Variants in TBXAS1 observed in about 807,000 individuals in gnomAD.
TBXAS1 encodes the protein thromboxane A synthase 1.
Under a neutral mutation model 60.7 loss-of-function variants are expected in TBXAS1, and 48 were observed. The ratio of observed to expected loss-of-function variants is 0.79; its 90% CI spans 0.63 to 1.01. The LOEUF is 1.01. TBXAS1 is among the 50% of genes least tolerant of loss of function. The pLI is 0.00. For missense variants in TBXAS1, 685 were observed against 686.3 expected (o/e 1.00, Z 0.02); for synonymous variants, 287 against 269.7 (o/e 1.06, Z -0.63).
intron 9 of TBXAS1, among the ~76,000 whole-genome samples, chr7:140,005,817 A>T (rs889789444): frequency 6.6e-6 from 1 of 152,192 alleles, no homozygotes; most frequent in African/African-American, 2.4e-5. Context: ...ATTAGCTACG[A>T]TACTGGCTAT....
intron 3 of TBXAS1, among the ~76,000 whole-genome samples, chr7:139,905,037 T>TTC (rs1491188774): frequency 1.1e-5 from 1 of 87,742 alleles, no homozygotes; most frequent in Non-Finnish European, 2.2e-5. Flanking sequence ...CTTTCTTTCT[T>TTC]TCTTTCTTTC....
chr7:139,821,941 G>C (rs1798310173), intron 4 of TBXAS1, among the ~76,000 whole-genome samples: 2 of 152,168 alleles, frequency 1.3e-5, no homozygotes, highest in South Asian at 4.1e-4. Flanking sequence ...TCCTGCAACT[G>C]TCCGCCAGTG....
chr7:139,922,732 G>A (rs1806576531), intron 4 of TBXAS1, among the ~76,000 whole-genome samples: 1 of 152,138 alleles, frequency 6.6e-6, no homozygotes, highest in South Asian at 2.1e-4. Context: ...TATTCTCTTG[G>A]AATCATTATG....
intron 1 of TBXAS1, among the ~76,000 whole-genome samples, chr7:139,848,250 A>G (rs1480402159): frequency 1.3e-5 from 2 of 151,958 alleles, no homozygotes; most frequent in Non-Finnish European, 2.9e-5. Flanking sequence ...CTTCCAAAGT[A>G]CTGGGATTAC....
rs1805983267 is a variant in TBXAS1, at chr7:139,916,487, G to A, written c.333+5166G>A. On this transcript the variant is annotated intron_variant, in intron 4 of 12. Coordinates refer to ENST00000448866, the MANE Select transcript of TBXAS1 (RefSeq NM_001061.7). This position sits in a 1 kb window ranked among gnomAD's most constrained non-coding sequence, Gnocchi z 4.2. Reference sequence around the variant, plus strand: ...CACACCACTGACACACAAGAGTCACGTCCAAAGCCATGTGATGGACGTGGT... The same window carrying A: ...CACACCACTGACACACAAGAGTCACATCCAAAGCCATGTGATGGACGTGGT... 2.6e-5 allele frequency among the ~76,000 whole-genome samples: 4 copies of A among 152,284 alleles called. No individual in the cohort carries two copies. Among genetic ancestry groups the A allele is most frequent in the South Asian group, 4.1e-4 (2 of 4,822 alleles).
intron 4 of TBXAS1, among the ~76,000 whole-genome samples, chr7:139,800,325 C>T (rs895238322): frequency 6.6e-6 from 1 of 152,270 alleles, no homozygotes; most frequent in South Asian, 2.1e-4. Flanking sequence ...CCTCCCTCCT[C>T]GAAGACCTCA....
In TBXAS1 at chr7:139,852,935, T is replaced by TACACACACAC. The variant is rs57545948; in HGVS notation, c.90-19254_90-19245dup. 1.3e-4 allele frequency among the ~76,000 whole-genome samples: 16 copies of TACACACACAC among 127,502 alleles called. No homozygotes were observed. Among genetic ancestry groups the TACACACACAC allele is most frequent in the Non-Finnish European group, 2.2e-4 (13 of 58,986 alleles). 83.6% of individuals were successfully genotyped at this position (127,502 alleles called of 152,430 possible). On this transcript the variant is annotated intron_variant, in intron 1 of 12. Transcript: ENST00000448866. The surrounding 1 kb of genome is among the most constrained non-coding windows in gnomAD (Gnocchi z 4.4). ...TGTGTACCAACCTTGGCTACTCCAA[T>TACACACACAC]ACACACACACACACACACACACACA...
intron 9 of TBXAS1, among the ~76,000 whole-genome samples, chr7:139,995,437 C>G (rs1051129012): frequency 2.6e-5 from 4 of 152,046 alleles, no homozygotes; most frequent in Non-Finnish European, 4.4e-5. Flanking sequence ...GTTTATTTGG[C>G]CTGGCAGAGT....
chr7:139,841,482 C>CT lies in TBXAS1; in HGVS notation c.89+12017dup, dbSNP rs5887936. On this transcript the variant is annotated intron_variant, in intron 1 of 12. Coordinates refer to ENST00000448866, the MANE Select transcript of TBXAS1 (RefSeq NM_001061.7). ...TCTAGAGAGGGATACATCTATTTCC[C>CT]TTTTTTTTTTTTTTATCTTTTTGTA... Among the ~76,000 whole-genome samples the CT allele has an allele frequency of 6.0e-3, 883 of 146,468 alleles. 7 individuals are homozygous for CT. The highest frequency in any genetic ancestry group is 0.018 in the African/African-American group (709 of 39,664).
chr7:139,902,830 T>C (rs1804684820), intron 3 of TBXAS1, among the ~76,000 whole-genome samples: 2 of 152,166 alleles, frequency 1.3e-5, no homozygotes, highest in South Asian at 2.1e-4. Flanking sequence ...CTCATTGTGG[T>C]TTTAATTTGA....
intron 9 of TBXAS1, among the ~76,000 whole-genome samples, chr7:139,973,374 T>C (rs531390664): frequency 3.9e-5 from 6 of 152,224 alleles, no homozygotes; most frequent in Admixed American, 2.6e-4. Context: ...ACTCCACTAA[T>C]AGCCAATCGC....
At chr7:139,811,388 T>C (rs779485540) in intron 4 of TBXAS1, among the ~76,000 whole-genome samples, 20 of 152,200 alleles carry the variant, frequency 1.3e-4, no homozygotes, top group Non-Finnish European at 2.2e-4. Flanking sequence ...TTACAATTAG[T>C]CTGAAAGCCA....
intron 3 of TBXAS1, among the ~76,000 whole-genome samples, chr7:139,783,846 T>TG (rs1797079978): frequency 6.6e-6 from 1 of 152,154 alleles, no homozygotes; most frequent in Non-Finnish European, 1.5e-5. Context: ...GCTCTGAGGT[T>TG]GCCAGTGGCT....
At chr7:139,883,079 T>C (rs1259424632) in intron 3 of TBXAS1, among the ~76,000 whole-genome samples, 1 of 152,076 alleles carries the variant, frequency 6.6e-6, no homozygotes, top group East Asian at 1.9e-4. Context: ...AGGAAGAAAG[T>C]TGTCCACAGG....
Position 139,833,997 on chromosome 7 carries a change from G to A in TBXAS1, c.89+4518G>A, listed in dbSNP as rs150703323. On this transcript the variant is annotated intron_variant, in intron 1 of 12. Transcript: ENST00000448866. ...ATACAGAACATTTCATCCAATAACC[G>A]CAGAATACACATTCTATTCAACATC... Among the ~76,000 whole-genome samples the A allele has an allele frequency of 5.8e-3, 881 of 152,146 alleles. 6 individuals are homozygous for A. Among genetic ancestry groups the A allele is most frequent in the African/African-American group, 0.02 (810 of 41,476 alleles).
At chr7:139,829,254 G>A (rs1169660946), upstream of TBXAS1, 1 of 760,526 alleles carries the variant, frequency 1.3e-6, no homozygotes, top group East Asian at 2.7e-5. Context: ...AGAGCACATT[G>A]TGGGGGCCCA....
At position 140,004,267 on chromosome 7, in the gene TBXAS1, C is replaced by G. The variant is rs1258160548; in HGVS notation, c.1135-2824C>G. 6.6e-6 allele frequency among the ~76,000 whole-genome samples: 1 copy of G among 152,182 alleles called. No homozygotes were observed. The highest frequency in any genetic ancestry group is 2.4e-5 in the African/African-American group (1 of 41,450). On this transcript the variant is annotated intron_variant, in intron 9 of 12. Coordinates refer to ENST00000448866, the MANE Select transcript of TBXAS1 (RefSeq NM_001061.7). This position sits in a 1 kb window ranked among gnomAD's most constrained non-coding sequence, Gnocchi z 5.1. The stretch of plus-strand genomic sequence containing the variant: ...TATTCCCAAAGCAGGGGGACGTGTC[C>G]ATCGTGGTACTCAGCGAGCTTCTTT...
At position 139,829,502 on chromosome 7, in the gene TBXAS1, A is replaced by G. The variant is rs1313402958; in HGVS notation, c.89+23A>G. ...ATGGTAAGTGCAGCCAGCCCTAGGG[A>G]CTGTGACAGCGTCAGCCGTCTCACC... On this transcript the variant is annotated intron_variant, in intron 1 of 12. Coordinates refer to ENST00000448866, the MANE Select transcript of TBXAS1 (RefSeq NM_001061.7). 3 of 1,608,504 alleles carry G rather than the reference A, an allele frequency of 1.9e-6. No homozygotes were observed. In the African/African-American group the frequency reaches 4.0e-5, roughly 21 times the overall value.
At chr7:139,991,828 A>T (rs1204267440) in intron 9 of TBXAS1, among the ~76,000 whole-genome samples, 1 of 152,212 alleles carries the variant, frequency 6.6e-6, no homozygotes, top group Non-Finnish European at 1.5e-5. Flanking sequence ...TCAGGACTGG[A>T]CTGAAGCCCC....
Sources: gnomAD v4.1 joint callset for allele counts (sites outside exome capture counted in the v4.1 genomes callset) on GRCh38, gnomAD v4.1.1 for gene constraint, Gnocchi (gnomAD v3.1) non-coding constraint, MANE v1.5 for transcripts, NCBI Gene and HGNC (gene_info 2026-07-23, HGNC 2026-07-21) for gene names.